The following STRADB variants were observed in gnomAD, a reference collection of about 807,000 sequenced individuals.
The protein encoded by STRADB is STE20 related adaptor beta.
In STRADB, 34 loss-of-function variants were observed where a neutral mutation model predicts 52.1. The observed-to-expected ratio is 0.65, with a 90% CI of 0.50 to 0.87. The LOEUF is 0.87. Among genes scored for constraint, STRADB ranks in the 40% least tolerant of loss-of-function variants. The probability of loss-of-function intolerance (pLI) is 0.00; values close to 1 mark genes in which losing one functional copy is unlikely to be tolerated. For missense variants in STRADB, 340 were observed against 483.9 expected (o/e 0.70, Z 2.79); for synonymous variants, 133 against 174.5 (o/e 0.76, Z 1.87).
chr2:201,476,265 A>G (rs766063665), intron 7 of STRADB, among the ~76,000 whole-genome samples: 16 of 152,144 alleles, frequency 1.1e-4, no homozygotes, highest in Non-Finnish European at 2.1e-4. Context: ...TCTAAGATAT[A>G]CTGTGACTTT....
In STRADB at chr2:201,477,733, T is replaced by C. The variant is rs760140802; in HGVS notation, c.663T>C (p.Asp221=). 7 of 1,613,734 alleles carry C rather than the reference T, an allele frequency of 4.3e-6. No homozygotes were observed. In the South Asian group the frequency reaches 7.7e-5, roughly 18 times the overall value. Residue 221 remains aspartate, a synonymous_variant, in exon 8 of 12, where the codon GAT becomes GAC. Transcript: ENST00000194530. Reference sequence around the variant, plus strand: ...GACAGAGGCATAGGGCTGTGTATGATTTCCCACAGTTCAGCACATCAGTGC... The same window carrying C: ...GACAGAGGCATAGGGCTGTGTATGACTTCCCACAGTTCAGCACATCAGTGC... ...KHGQRHRAVY[D]FPQFSTSVQP...
At chr2:201,460,913 T>TC in intron 3 of STRADB, 1 of 155,764 alleles carries the variant, frequency 6.4e-6, no homozygotes, top group East Asian at 1.8e-4. Context: ...ATGGTAGTTT[T>TC]TTTTTTTTTT....
In STRADB at chr2:201,478,185, A is replaced by C; in HGVS notation, c.819A>C (p.Arg273Ser). ...SGQVPFQDMH[R>S]TQMLLQKLKG... is the part of the protein sequence containing the mutation. ...AGGTGCCTTTCCAGGACATGCATAG[A>C]ACTCAGGTAAGTGCTGCTAAAATCC... The change falls in exon 9 of 12, where the codon AGA becomes AGC. Residue 273 changes from arginine (R) to serine (S), a missense_variant. Physicochemically the swap from Arg to Ser is moderately radical, Grantham distance 110. Transcript: ENST00000194530. 6.2e-7 allele frequency: 1 copy of C among 1,612,520 alleles called. No individual in the cohort carries two copies.
chr2:201,475,627 A>T lies in STRADB; in HGVS notation c.433A>T (p.Ser145Cys). Residue 145 changes from serine (S) to cysteine (C), a missense_variant, in exon 7 of 12, where the codon AGT (serine) becomes TGT (cysteine). Ser to Cys is a moderately radical substitution (Grantham distance 112). Transcript: ENST00000194530. ...TTAGGGGTTTCTTTCAGGTTCAGCA[A>T]GTCAACTCTTGAGGACCTATTTTCC... ...ISPFMAYGSA[S>C]QLLRTYFPEG... is the part of the protein sequence containing the mutation. 6.2e-7 allele frequency: 1 copy of T among 1,611,966 alleles called. No individual in the cohort carries two copies. Among genetic ancestry groups the T allele is most frequent in the Non-Finnish European group, 8.5e-7 (1 of 1,179,852 alleles).
In STRADB at chr2:201,463,579, G is replaced by C. The variant is rs1049579998; in HGVS notation, c.93+4715G>C. Among the ~76,000 whole-genome samples, 3 of 152,066 alleles carry C rather than the reference G, an allele frequency of 2.0e-5. No individual in the cohort carries two copies. The East Asian group carries it at 5.8e-4, about 29-fold the overall frequency. On this transcript the variant is annotated intron_variant, in intron 3 of 11. Coordinates refer to ENST00000194530, the MANE Select transcript of STRADB (RefSeq NM_018571.6). ...ATAACCTTCTTGGATACTGGATATTGATATCTTGGATACTTGGATAACTTC... is the reference window on the plus strand; with the variant it reads ...ATAACCTTCTTGGATACTGGATATTCATATCTTGGATACTTGGATAACTTC...
chr2:201,458,960 G>C, intron 3 of STRADB, 96 bp downstream of exon 3: 1 of 1,028,712 alleles, frequency 9.7e-7, no homozygotes. Context: ...CTAGGAGTTC[G>C]AGACCAGCCT....
chr2:201,478,613 C>T lies in STRADB; in HGVS notation c.1070+12C>T, dbSNP rs987537878. On this transcript the variant is annotated intron_variant, in intron 10 of 11. Transcript: ENST00000194530. ...GATCCTGAGAAAAGGTAATATTGAT[C>T]TCTTTTAAATAGCACAAAATGTACA... 8 of 1,613,234 alleles carry T rather than the reference C, an allele frequency of 5.0e-6. No individual in the cohort carries two copies. Among genetic ancestry groups the T allele is most frequent in the Non-Finnish European group, 6.8e-6 (8 of 1,179,652 alleles).
chr2:201,452,295 A>T (rs943528382), intron 1 of STRADB, among the ~76,000 whole-genome samples: 1 of 152,082 alleles, frequency 6.6e-6, no homozygotes, highest in African/African-American at 2.4e-5. Flanking sequence ...GGGCTTGGGG[A>T]GTTGCCATAT....
chr2:201,474,734 A>G lies in STRADB; in HGVS notation c.403A>G (p.Ile135Val), dbSNP rs1399205592. 3.1e-6 allele frequency: 5 copies of G among 1,611,018 alleles called. No individual in the cohort carries two copies. Among genetic ancestry groups the G allele is most frequent in the Non-Finnish European group, 4.2e-6 (5 of 1,178,774 alleles). ...CACTGTTGGCAGCTGGCTTTGGGTT[A>G]TTTCTCCATTTATGGCCTATGGTAA... Reference protein sequence around the residue: ...VFTVGSWLWVISPFMAYGSAS... With the variant: ...VFTVGSWLWVVSPFMAYGSAS... The change falls in exon 6 of 12, where the codon ATT becomes GTT. Residue 135 changes from isoleucine to valine, a missense_variant. By Grantham distance (29) the Ile-to-Val change is conservative. Transcript: ENST00000194530.
chr2:201,477,927 T>C, intron 8 of STRADB, 137 bp downstream of exon 8: 1 of 1,245,570 alleles, frequency 8.0e-7, no homozygotes. Flanking sequence ...GTCAAAATTA[T>C]GTTAGGAAAT....
chr2:201,474,690 C>A lies in STRADB; in HGVS notation c.359C>A (p.Thr120Lys). 6.2e-7 allele frequency: 1 copy of A among 1,612,578 alleles called. No homozygotes were observed. The highest frequency in any genetic ancestry group is 8.5e-7 in the Non-Finnish European group (1 of 1,179,674). The change falls in exon 6 of 12, where the codon ACA becomes AAA. Residue 120 changes from threonine (T) to lysine (K), a missense_variant. By Grantham distance (78) the Thr-to-Lys change is moderately conservative. Transcript: ENST00000194530. ...CACTTTTTCCGGCATCCCAATATTA[C>A]AACTTATTGGACAGTTTTCACTGTT... ...LSHFFRHPNI[T>K]TYWTVFTVGS...
chr2:201,463,125 C>T (rs1952243002), intron 3 of STRADB, among the ~76,000 whole-genome samples: 1 of 152,138 alleles, frequency 6.6e-6, no homozygotes, highest in Non-Finnish European at 1.5e-5. Flanking sequence ...ATCACAAGGT[C>T]AGGAGATTGA....
rs770497722 is a variant in STRADB, at chr2:201,474,753, A to G, written c.422A>G (p.Tyr141Cys). The change falls in exon 6 of 12, where the codon TAT (tyrosine) becomes TGT (cysteine). Residue 141 changes from tyrosine (Y) to cysteine (C), a missense_variant and splice_region_variant. Physicochemically the swap from Tyr to Cys is radical, Grantham distance 194. Coordinates refer to ENST00000194530, the MANE Select transcript of STRADB (RefSeq NM_018571.6). ...WLWVISPFMA[Y>C]GSASQLLRTY... ...TGGGTTATTTCTCCATTTATGGCCTATGGTAAGAATGCTGGTTTTAAATAA... is the reference window on the plus strand; with the variant it reads ...TGGGTTATTTCTCCATTTATGGCCTGTGGTAAGAATGCTGGTTTTAAATAA... 4.4e-6 allele frequency: 7 copies of G among 1,601,050 alleles called. No homozygotes were observed. The highest frequency in any genetic ancestry group is 6.0e-6 in the Non-Finnish European group (7 of 1,172,236).
rs1409091977 is a variant in STRADB at position 201,454,797 on chromosome 2, A to G, written c.-44A>G. Reference sequence around the variant, plus strand: ...AGATAAAACAAAAGCCTTCTTTGGAATAGATGGATTTTTGTCACTTTCTGT... The same window carrying G: ...AGATAAAACAAAAGCCTTCTTTGGAGTAGATGGATTTTTGTCACTTTCTGT... On this transcript the variant is annotated 5_prime_UTR_variant, in exon 2 of 12. Coordinates refer to ENST00000194530, the MANE Select transcript of STRADB (RefSeq NM_018571.6). 6.3e-7 allele frequency: 1 copy of G among 1,587,900 alleles called. No homozygotes were observed.
In STRADB at chr2:201,480,227, T is replaced by C. The variant is rs781118894; in HGVS notation, c.*52T>C. On this transcript the variant is annotated 3_prime_UTR_variant, in exon 12 of 12. Coordinates refer to ENST00000194530, the MANE Select transcript of STRADB (RefSeq NM_018571.6). ...ATACTTGACACTTTCTCCTTGCTGC[T>C]TTTTCTTCTGTATTTCTAGGTACAA... 1.9e-6 allele frequency: 3 copies of C among 1,597,480 alleles called. No homozygotes were observed. Among genetic ancestry groups the C allele is most frequent in the South Asian group, 2.3e-5 (2 of 88,204 alleles).
intron 3 of STRADB, among the ~76,000 whole-genome samples, chr2:201,469,658 G>T (rs1316825431): frequency 1.3e-5 from 2 of 152,166 alleles, no homozygotes; most frequent in Admixed American, 6.5e-5. Context: ...CTATCCTGAA[G>T]AATTAACATT....
intron 3 of STRADB, among the ~76,000 whole-genome samples, chr2:201,464,943 G>C (rs965420758): frequency 6.6e-6 from 1 of 152,164 alleles, no homozygotes; most frequent in African/African-American, 2.4e-5. Flanking sequence ...GGGCTCTTCT[G>C]TCAGCTTGTG....
chr2:201,453,164 C>A (rs1952075864), intron 1 of STRADB, among the ~76,000 whole-genome samples: 2 of 151,858 alleles, frequency 1.3e-5, no homozygotes, highest in African/African-American at 2.4e-5. Context: ...TAGGGACAAC[C>A]CTTTTATTAC....
chr2:201,453,098 A>C lies in STRADB; in HGVS notation c.-96+1160A>C, dbSNP rs191810624. Among the ~76,000 whole-genome samples, 183 of 151,676 alleles carry C rather than the reference A, an allele frequency of 1.2e-3. 1 individual carries two copies. The highest frequency in any genetic ancestry group is 4.2e-3 in the African/African-American group (172 of 41,296). The stretch of plus-strand genomic sequence containing the variant: ...TGACCTCAAAATGTCTTGTAAAATT[A>C]TCTCTTAATAGTCTGGTGTATCTAA... On this transcript the variant is annotated intron_variant, in intron 1 of 11. Coordinates refer to ENST00000194530, the MANE Select transcript of STRADB (RefSeq NM_018571.6).
Sources: gnomAD v4.1 joint callset for allele counts (sites outside exome capture counted in the v4.1 genomes callset) on GRCh38, gnomAD v4.1.1 for gene constraint, MANE v1.5 for transcripts, NCBI Gene and HGNC (gene_info 2026-07-23, HGNC 2026-07-21) for gene names.